Variants in SORCS1 observed in about 807,000 individuals in gnomAD.
The protein encoded by SORCS1 is VPS10 domain-containing receptor SorCS1.
Under a neutral mutation model 146.1 loss-of-function variants are expected in SORCS1, and 60 were observed. The ratio of observed to expected loss-of-function variants is 0.41; its 90% CI spans 0.33 to 0.51. The LOEUF is 0.51. Among genes scored for constraint, SORCS1 ranks in the 20% least tolerant of loss-of-function variants. The pLI, the probability that SORCS1 is intolerant of heterozygous loss-of-function variation, is 0.21. For missense variants in SORCS1, 1,352 were observed against 1,487.6 expected (o/e 0.91, Z 1.50); for synonymous variants, 637 against 584.0 (o/e 1.09, Z -1.31).
At chr10:106,894,264 CGTGTGCGTGTGTGTGTGTGTGT>C (rs1232367185) in intron 2 of SORCS1, among the ~76,000 whole-genome samples, 8 of 108,614 alleles carry the variant, frequency 7.4e-5, no homozygotes, top group Non-Finnish European at 1.5e-4. Context: ...CGCGCGCGCA[CGTGTGCGTGTGTGTGTGTGTGT>C]GTGTGTGTGT....
intron 1 of SORCS1, among the ~76,000 whole-genome samples, chr10:107,030,099 T>TA (rs1958584040): frequency 6.6e-6 from 1 of 152,178 alleles, no homozygotes; most frequent in Non-Finnish European, 1.5e-5. Context: ...GAAAAAAAAT[T>TA]AAAGACATCA....
intron 1 of SORCS1, among the ~76,000 whole-genome samples, chr10:106,994,060 T>C (rs1422025024): frequency 1.7e-5 from 1 of 59,356 alleles, no homozygotes; most frequent in African/African-American, 1.7e-4. Context: ...CAAGACCCCA[T>C]CTCAAAAAAA....
intron 1 of SORCS1, among the ~76,000 whole-genome samples, chr10:107,003,472 G>GTA (rs1957304157): frequency 7.2e-6 from 1 of 138,482 alleles, no homozygotes; most frequent in East Asian, 2.0e-4. Flanking sequence ...GTGTGTGTGT[G>GTA]TAGTAATCCA....
At chr10:106,876,263 C>A (rs779013206) in intron 2 of SORCS1, among the ~76,000 whole-genome samples, 1 of 152,014 alleles carries the variant, frequency 6.6e-6, no homozygotes, top group Non-Finnish European at 1.5e-5. Context: ...ATTATTTGTG[C>A]TTTATTATTG....
intron 1 of SORCS1, among the ~76,000 whole-genome samples, chr10:107,002,193 T>C (rs1404677587): frequency 1.3e-5 from 2 of 152,222 alleles, no homozygotes; most frequent in African/African-American, 4.8e-5. Context: ...GCTATTACTT[T>C]GTGGTTTTGA....
chr10:106,724,299 G>A (rs1413897989), intron 6 of SORCS1, among the ~76,000 whole-genome samples: 1 of 151,972 alleles, frequency 6.6e-6, no homozygotes, highest in Non-Finnish European at 1.5e-5. Context: ...TCAAGGTCAG[G>A]GGTTCAAGAC....
intron 2 of SORCS1, among the ~76,000 whole-genome samples, chr10:106,926,379 A>G (rs1489538233): frequency 6.6e-6 from 1 of 152,226 alleles, no homozygotes; most frequent in Admixed American, 6.5e-5. Context: ...CTAACCAGCT[A>G]TTTAATACTG....
At chr10:106,729,589 T>G (rs1452610160) in intron 6 of SORCS1, among the ~76,000 whole-genome samples, 2 of 152,040 alleles carry the variant, frequency 1.3e-5, no homozygotes, top group African/African-American at 2.4e-5. Flanking sequence ...AATGAAACAC[T>G]TTAGGAATCA....
intron 5 of SORCS1, among the ~76,000 whole-genome samples, chr10:106,736,361 A>T (rs1033561821): frequency 4.6e-5 from 7 of 152,186 alleles, no homozygotes; most frequent in African/African-American, 1.7e-4. Flanking sequence ...GGAAGAAACG[A>T]GGAGGGACCT....
In SORCS1 at chr10:106,579,354, T is replaced by G. The variant is rs770675427; in HGVS notation, c.3371+15A>C. On this transcript the variant is annotated intron_variant, in intron 25 of 25. Transcript: ENST00000263054. ...GAGGTCAGGGGTGGGGGAACGTGGA[T>G]AGAGGGACACGCACCTTTTAAACTT... 15 of 1,613,720 alleles carry G rather than the reference T, an allele frequency of 9.3e-6. No homozygotes were observed. The highest frequency in any genetic ancestry group is 1.7e-5 in the Admixed American group (1 of 59,952).
At chr10:107,007,044 G>T (rs1013728745) in intron 1 of SORCS1, among the ~76,000 whole-genome samples, 3 of 152,168 alleles carry the variant, frequency 2.0e-5, no homozygotes, top group Non-Finnish European at 4.4e-5. Context: ...CCTACGCTTA[G>T]CATCTAGTTT....
At chr10:106,891,940 C>T (rs1002725165) in intron 2 of SORCS1, among the ~76,000 whole-genome samples, 3 of 152,126 alleles carry the variant, frequency 2.0e-5, no homozygotes, top group South Asian at 2.1e-4. Flanking sequence ...TAAACCATTC[C>T]TTCTTCTACC....
intron 18 of SORCS1, among the ~76,000 whole-genome samples, chr10:106,648,468 T>C (rs981275994): frequency 6.6e-6 from 1 of 152,232 alleles, no homozygotes; most frequent in Non-Finnish European, 1.5e-5. Flanking sequence ...TGTATTTTAA[T>C]GCTACATATA....
chr10:107,065,466 C>CTTT (rs1554937498), intron 1 of SORCS1, among the ~76,000 whole-genome samples: 47 of 58,998 alleles, frequency 8.0e-4, no homozygotes, highest in African/African-American at 2.7e-3. Flanking sequence ...CTTTCTCTCT[C>CTTT]CCTCTCCTCT....
chr10:107,153,176 G>GT (rs533729458), intron 1 of SORCS1, among the ~76,000 whole-genome samples: 246 of 144,350 alleles, frequency 1.7e-3, no homozygotes, highest in East Asian at 3.6e-3. Context: ...CCTTCTCTCT[G>GT]TTTTTTTTTT....
chr10:106,799,203 T>C (rs1946741617), intron 3 of SORCS1, among the ~76,000 whole-genome samples: 1 of 152,188 alleles, frequency 6.6e-6, no homozygotes, highest in African/African-American at 2.4e-5. Context: ...CTGGATCCCT[T>C]CCTTACACCT....
intron 2 of SORCS1, among the ~76,000 whole-genome samples, chr10:106,849,781 T>C (rs2137255680): frequency 6.6e-6 from 1 of 151,772 alleles, no homozygotes; most frequent in South Asian, 2.1e-4. Flanking sequence ...ATGTCCTTTC[T>C]GTTTGTTAGT....
intron 2 of SORCS1, among the ~76,000 whole-genome samples, chr10:106,842,500 C>A (rs1468200325): frequency 6.6e-6 from 1 of 152,092 alleles, no homozygotes; most frequent in Non-Finnish European, 1.5e-5. Context: ...TCCCAAAGTG[C>A]TGGAATTACA....
chr10:106,787,198 T>C (rs909506309), intron 3 of SORCS1, among the ~76,000 whole-genome samples: 9 of 152,200 alleles, frequency 5.9e-5, no homozygotes, highest in Admixed American at 3.9e-4. Context: ...AAGAGCAAAG[T>C]AGTCCTTGCT....
Sources: gnomAD v4.1 joint callset for allele counts (sites outside exome capture counted in the v4.1 genomes callset) on GRCh38, gnomAD v4.1.1 for gene constraint, MANE v1.5 for transcripts, NCBI Gene and HGNC (gene_info 2026-07-23, HGNC 2026-07-21) for gene names.